PTPRD: variants seen among roughly 807,000 people sequenced by gnomAD.
The protein encoded by PTPRD is receptor-type tyrosine-protein phosphatase delta.
Under a neutral mutation model 214.5 loss-of-function variants are expected in PTPRD, and 34 were observed. That is an observed-to-expected ratio of 0.16 (90% CI 0.12 to 0.21). The LOEUF is 0.21. Among genes scored for constraint, PTPRD ranks in the 10% least tolerant of loss-of-function variants. PTPRD has a pLI of 1.00. For missense variants in PTPRD, 2,545 were observed against 2,398.7 expected, an observed-to-expected ratio of 1.06 and a Z score of -1.27; for synonymous variants, 1,128 against 845.7, an observed-to-expected ratio of 1.33 and a Z score of -5.79.
intron 8 of PTPRD, among the ~76,000 whole-genome samples, chr9:9,461,412 T>C (rs527591951): frequency 1.4e-4 from 21 of 152,092 alleles, no homozygotes; most frequent in African/African-American, 4.6e-4. Context: ...TAAATTAATG[T>C]CCCCAAATCA....
intron 18 of PTPRD, 162 bp downstream of exon 18, chr9:8,524,763 C>T (rs745713939): frequency 5.2e-6 from 4 of 761,936 alleles, no homozygotes; most frequent in South Asian, 2.7e-5. Context: ...TTAAACAACA[C>T]ATTTTAAATT....
At chr9:9,807,513 C>T (rs1041527299) in intron 5 of PTPRD, among the ~76,000 whole-genome samples, 1 of 152,116 alleles carries the variant, frequency 6.6e-6, no homozygotes, top group Non-Finnish European at 1.5e-5. Flanking sequence ...TCTGCTCTGA[C>T]TTCTCCCCTT....
intron 3 of PTPRD, among the ~76,000 whole-genome samples, chr9:10,277,788 T>TA (rs1444459165): frequency 6.6e-6 from 1 of 152,146 alleles, no homozygotes; most frequent in Non-Finnish European, 1.5e-5. Context: ...ACATGAAAAC[T>TA]AAATCCTTCC....
At chr9:10,140,989 A>T (rs199504075) in intron 3 of PTPRD, among the ~76,000 whole-genome samples, 1 of 152,050 alleles carries the variant, frequency 6.6e-6, no homozygotes, top group Non-Finnish European at 1.5e-5. Flanking sequence ...ACAGAACCAA[A>T]GACAAAAACC....
At chr9:8,353,333 G>C (rs2076017024) in intron 39 of PTPRD, among the ~76,000 whole-genome samples, 1 of 152,134 alleles carries the variant, frequency 6.6e-6, no homozygotes, top group South Asian at 2.1e-4. Flanking sequence ...TGGTTTTGTA[G>C]AGGCCTGTTA....
At chr9:9,364,669 A>T (rs561592879) in intron 9 of PTPRD, among the ~76,000 whole-genome samples, 1 of 151,496 alleles carries the variant, frequency 6.6e-6, no homozygotes, top group East Asian at 2.0e-4. Flanking sequence ...GGAGAAAGGA[A>T]AACCAACAGT....
At chr9:10,127,278 C>G (rs1373351036) in intron 3 of PTPRD, among the ~76,000 whole-genome samples, 1 of 152,192 alleles carries the variant, frequency 6.6e-6, no homozygotes, top group Non-Finnish European at 1.5e-5. Context: ...ATTCCTCTGT[C>G]TGTAATGGCC....
chr9:10,009,540 G>C (rs1456503507), intron 4 of PTPRD, among the ~76,000 whole-genome samples: 1 of 151,920 alleles, frequency 6.6e-6, no homozygotes, highest in African/African-American at 2.4e-5. Flanking sequence ...TTTAAGATAA[G>C]GAGTTGTGGA....
At chr9:8,410,372 G>T (rs911233753) in intron 35 of PTPRD, among the ~76,000 whole-genome samples, 14 of 152,130 alleles carry the variant, frequency 9.2e-5, no homozygotes, top group African/African-American at 3.4e-4. Context: ...GTTAGCTCTG[G>T]CCGGTCAGGT....
intron 11 of PTPRD, among the ~76,000 whole-genome samples, chr9:8,793,241 A>C (rs12346651): frequency 6.6e-6 from 1 of 151,940 alleles, no homozygotes; most frequent in African/African-American, 2.4e-5. Flanking sequence ...TTTGGCTCTT[A>C]CTCTCTCTTC....
At chr9:9,644,970 A>G (rs546004449) in intron 7 of PTPRD, among the ~76,000 whole-genome samples, 1 of 152,306 alleles carries the variant, frequency 6.6e-6, no homozygotes, top group South Asian at 2.1e-4. Context: ...CCACACAAGA[A>G]CCTGGTTACC....
chr9:9,842,832 T>C (rs2058658650), intron 5 of PTPRD, among the ~76,000 whole-genome samples: 1 of 151,800 alleles, frequency 6.6e-6, no homozygotes, highest in Middle Eastern at 3.4e-3. Flanking sequence ...TGATCTTCAG[T>C]GGATTTTTTT....
At chr9:9,981,173 A>G (rs2095531057) in intron 4 of PTPRD, among the ~76,000 whole-genome samples, 1 of 152,200 alleles carries the variant, frequency 6.6e-6, no homozygotes, top group Non-Finnish European at 1.5e-5. Flanking sequence ...CATAAATAAA[A>G]TGCAGTGGAT....
intron 3 of PTPRD, among the ~76,000 whole-genome samples, chr9:10,280,426 G>A (rs1273467411): frequency 6.6e-6 from 1 of 151,580 alleles, no homozygotes; most frequent in African/African-American, 2.4e-5. Flanking sequence ...TAAAAGCATA[G>A]ACCATCTCCA....
intron 5 of PTPRD, among the ~76,000 whole-genome samples, chr9:9,785,851 T>A (rs2098919315): frequency 1.3e-5 from 2 of 152,140 alleles, no homozygotes; most frequent in East Asian, 3.8e-4. Context: ...AAGGTACCAT[T>A]TTTGCACAAT....
chr9:8,967,645 G>A (rs2099206187), intron 11 of PTPRD, among the ~76,000 whole-genome samples: 1 of 151,962 alleles, frequency 6.6e-6, no homozygotes, highest in African/African-American at 2.4e-5. Flanking sequence ...CTTAGTATAT[G>A]GTATTGAAAA....
chr9:9,322,246 T>C (rs544712984), intron 9 of PTPRD, among the ~76,000 whole-genome samples: 1 of 152,316 alleles, frequency 6.6e-6, no homozygotes, highest in African/African-American at 2.4e-5. Context: ...ATTAATTGTC[T>C]TCGTATTCTA....
In PTPRD at chr9:8,944,356, A is replaced by T. The variant is rs1181710456; in HGVS notation, c.-104+74341T>A. Among the ~76,000 whole-genome samples the T allele has an allele frequency of 2.6e-5, 4 of 152,222 alleles. No homozygotes were observed. In the East Asian group the frequency reaches 5.8e-4, roughly 22 times the overall value. On this transcript the variant is annotated intron_variant, in intron 11 of 45. Transcript: ENST00000381196. ...ACAACAGTATGGAGATTCCTGAAAA[A>T]ATTAAACATAGAACTATCATATGAT... is the stretch of plus-strand genomic sequence containing the variant.
At chr9:10,082,923 T>G (rs1243821946) in intron 3 of PTPRD, among the ~76,000 whole-genome samples, 1 of 151,782 alleles carries the variant, frequency 6.6e-6, no homozygotes, top group Non-Finnish European at 1.5e-5. Flanking sequence ...ACATTGATGA[T>G]TATTCAAAAG....
Sources: gnomAD v4.1 joint callset for allele counts (sites outside exome capture counted in the v4.1 genomes callset) on GRCh38, gnomAD v4.1.1 for gene constraint, MANE v1.5 for transcripts, NCBI Gene and HGNC (gene_info 2026-07-23, HGNC 2026-07-21) for gene names.